Variants in RBMS3 observed in about 807,000 individuals in gnomAD.
The protein encoded by RBMS3 is RNA binding motif single stranded interacting protein 3.
RBMS3 carries 27 observed loss-of-function variants against 66.8 expected under a neutral mutation model. The observed-to-expected ratio is 0.40, with a 90% confidence interval of 0.30 to 0.56. The LOEUF (loss-of-function observed/expected upper bound fraction) is 0.56, where lower values mean the gene tolerates loss of function less well. Ranked by LOEUF, RBMS3 falls within the 20% of genes least tolerant of loss-of-function variation. The pLI is 0.40. For synonymous variants in RBMS3, 188 were observed against 183.0 expected, an observed-to-expected ratio of 1.03 and a Z score of -0.22; for missense variants, 513 against 549.5, an observed-to-expected ratio of 0.93 and a Z score of 0.66.
intron 4 of RBMS3, among the ~76,000 whole-genome samples, chr3:29,605,388 A>G (rs2048289674): frequency 6.6e-6 from 1 of 151,912 alleles, no homozygotes; most frequent in African/African-American, 2.4e-5. Flanking sequence ...ATTGAATAAT[A>G]CTATGGAAAT....
chr3:29,615,506 T>G (rs1478267612), intron 4 of RBMS3, among the ~76,000 whole-genome samples: 1 of 151,936 alleles, frequency 6.6e-6, no homozygotes, highest in Non-Finnish European at 1.5e-5. Flanking sequence ...ATAAAATGAT[T>G]GTTTAAAACG....
Position 29,619,284 on chromosome 3 carries a change from AT to A in RBMS3, c.399+32080del, listed in dbSNP as rs1439327300. Among the ~76,000 whole-genome samples, 27 of 151,026 alleles carry A rather than the reference AT, an allele frequency of 1.8e-4. 1 individual carries two copies. Among genetic ancestry groups the A allele is most frequent in the African/African-American group, 1.5e-4 (6 of 41,286 alleles). ...GTATTTTATGTAAAAAAAAAAAAAAATGAATAAAGAAAACAGTTTTAGTTTA... is the reference window on the plus strand; with the variant it reads ...GTATTTTATGTAAAAAAAAAAAAAAAGAATAAAGAAAACAGTTTTAGTTTA... On this transcript the variant is annotated intron_variant, in intron 4 of 14. Transcript: ENST00000383767.
chr3:29,372,023 G>T (rs1033340082), intron 1 of RBMS3, among the ~76,000 whole-genome samples: 2 of 152,104 alleles, frequency 1.3e-5, no homozygotes, highest in African/African-American at 4.8e-5. Flanking sequence ...CTAGATCACA[G>T]AACAACAAGC....
chr3:29,491,201 A>G (rs1464399216), intron 3 of RBMS3, among the ~76,000 whole-genome samples: 1 of 152,218 alleles, frequency 6.6e-6, no homozygotes, highest in Admixed American at 6.5e-5. Flanking sequence ...GCTTATCAGG[A>G]CAAATTATAC....
chr3:29,596,581 G>A (rs567823694), intron 4 of RBMS3, among the ~76,000 whole-genome samples: 17 of 152,274 alleles, frequency 1.1e-4, no homozygotes, highest in Non-Finnish European at 2.2e-4. Context: ...GAAAAAATAG[G>A]AGATGTCCCA....
chr3:29,532,660 T>C (rs540956910), intron 3 of RBMS3, among the ~76,000 whole-genome samples: 2 of 152,148 alleles, frequency 1.3e-5, no homozygotes, highest in East Asian at 3.9e-4. Context: ...GCTTAGGAGT[T>C]CCAGGTTACA....
intron 1 of RBMS3, among the ~76,000 whole-genome samples, chr3:29,323,660 G>A (rs1276485944): frequency 6.8e-6 from 1 of 146,914 alleles, no homozygotes; most frequent in Non-Finnish European, 1.5e-5. Flanking sequence ...TATTCCTTCT[G>A]ATATTGGACA....
chr3:29,794,440 G>A (rs2057114593), intron 6 of RBMS3, among the ~76,000 whole-genome samples: 1 of 152,056 alleles, frequency 6.6e-6, no homozygotes, highest in Non-Finnish European at 1.5e-5. Context: ...CAAAAAATTA[G>A]CCAGGCATGG....
intron 1 of RBMS3, among the ~76,000 whole-genome samples, chr3:29,399,713 A>AT (rs11328250): frequency 6.6e-6 from 1 of 151,474 alleles, no homozygotes. Context: ...GAAAAGTAAT[A>AT]TTTTTTTTAA....
chr3:30,001,577 T>G (rs1277479628), intron 14 of RBMS3, among the ~76,000 whole-genome samples: 1 of 151,984 alleles, frequency 6.6e-6, no homozygotes, highest in Non-Finnish European at 1.5e-5. Flanking sequence ...TGAACTGCCA[T>G]GAATACCAAA....
Position 30,003,940 on chromosome 3 carries a change from T to G in RBMS3, c.*78T>G. On this transcript the variant is annotated 3_prime_UTR_variant, in exon 15 of 15. Coordinates refer to ENST00000383767, the MANE Select transcript of RBMS3 (RefSeq NM_001003793.3). ...TTGAACAAGAAGTTGGCTTCCAGTT[T>G]GCACAGACGTCAATGGAATGCATTT... 8.1e-7 allele frequency: 1 copy of G among 1,231,728 alleles called. No individual in the cohort carries two copies. Among genetic ancestry groups the G allele is most frequent in the Non-Finnish European group, 1.1e-6 (1 of 916,084 alleles). 76.3% of individuals were successfully genotyped at this position (1,231,728 alleles called of 1,614,324 possible).
Position 29,759,103 on chromosome 3 carries a change from A to G in RBMS3, c.558-3807A>G, listed in dbSNP as rs183204600. On this transcript the variant is annotated intron_variant, in intron 5 of 14. Coordinates refer to ENST00000383767, the MANE Select transcript of RBMS3 (RefSeq NM_001003793.3). ...AAGTACGTTTCTACCTCTGCATGTT[A>G]AGTCTGACCCAGAACATTCTACTAA... Among the ~76,000 whole-genome samples the G allele has an allele frequency of 9.9e-5, 15 of 152,266 alleles. No homozygotes were observed. In the East Asian group the frequency reaches 2.3e-3, roughly 24 times the overall value.
intron 1 of RBMS3, among the ~76,000 whole-genome samples, chr3:29,308,062 C>A (rs888801551): frequency 6.6e-6 from 1 of 151,722 alleles, no homozygotes; most frequent in Non-Finnish European, 1.5e-5. Flanking sequence ...TATTGGAAAC[C>A]CAAGTTGTTT....
chr3:29,701,555 C>T (rs2052577419), intron 4 of RBMS3, among the ~76,000 whole-genome samples: 1 of 152,052 alleles, frequency 6.6e-6, no homozygotes, highest in African/African-American at 2.4e-5. Flanking sequence ...CCAGCTCCCT[C>T]TGCTTGTAAG....
chr3:29,672,383 A>G (rs1055527948), intron 4 of RBMS3, among the ~76,000 whole-genome samples: 7 of 152,234 alleles, frequency 4.6e-5, no homozygotes, highest in Admixed American at 3.3e-4. Flanking sequence ...ATCAACTAAC[A>G]AGCAAAATAA....
At chr3:29,352,825 A>G (rs1218718081) in intron 1 of RBMS3, among the ~76,000 whole-genome samples, 7 of 151,864 alleles carry the variant, frequency 4.6e-5, no homozygotes, top group Admixed American at 4.6e-4. Flanking sequence ...CCCACATGTG[A>G]CTGAGAATAT....
At chr3:29,532,252 A>ATATATATATATC (rs2045387200) in intron 3 of RBMS3, among the ~76,000 whole-genome samples, 1 of 97,616 alleles carries the variant, frequency 1.0e-5, no homozygotes, top group Non-Finnish European at 2.1e-5. Context: ...ATATGTATAT[A>ATATATATATATC]TATATATATG....
At chr3:29,906,575 T>A (rs1466349797) in intron 10 of RBMS3, among the ~76,000 whole-genome samples, 2 of 152,138 alleles carry the variant, frequency 1.3e-5, no homozygotes, top group Non-Finnish European at 2.9e-5. Context: ...ATTATAAAAA[T>A]TTTATTATAT....
chr3:29,460,482 C>T (rs1255482789), intron 2 of RBMS3, among the ~76,000 whole-genome samples: 1 of 152,018 alleles, frequency 6.6e-6, no homozygotes, highest in Non-Finnish European at 1.5e-5. Flanking sequence ...AAATAAAATG[C>T]CACTGATGTA....
Sources: allele counts gnomAD v4.1 joint callset (sites outside exome capture counted in the v4.1 genomes callset), GRCh38; gene constraint gnomAD v4.1.1; transcripts MANE v1.5; gene names NCBI Gene and HGNC (gene_info 2026-07-23, HGNC 2026-07-21).